CDH20: variants seen among roughly 807,000 people sequenced by gnomAD.
The protein encoded by CDH20 is cadherin-20.
Under a neutral mutation model 74.2 loss-of-function variants are expected in CDH20, and 29 were observed. That is an observed-to-expected ratio of 0.39 (90% CI 0.29 to 0.53). The LOEUF is 0.53. CDH20 is among the 20% of genes least tolerant of loss of function. CDH20 has a pLI of 0.69. For missense variants in CDH20, 988 were observed against 1,048.3 expected (o/e 0.94, Z 0.79); for synonymous variants, 469 against 405.4 (o/e 1.16, Z -1.88).
chr18:61,459,452 G>A (rs1267866424), intron 1 of CDH20, among the ~76,000 whole-genome samples: 3 of 152,108 alleles, frequency 2.0e-5, no homozygotes, highest in Admixed American at 2.0e-4. Context: ...ATCCATGTGT[G>A]GTAGATACTA....
At chr18:61,436,519 C>G (rs986937948) in intron 1 of CDH20, among the ~76,000 whole-genome samples, 1 of 152,212 alleles carries the variant, frequency 6.6e-6, no homozygotes. Flanking sequence ...GTTTTAGATA[C>G]CTGGATTTGA....
Position 61,468,618 on chromosome 18 carries a change from C to T in CDH20, c.-152-21784C>T. Among the ~76,000 whole-genome samples the T allele has an allele frequency of 1.3e-5, 2 of 152,184 alleles. 1 individual carries two copies. The highest frequency in any genetic ancestry group is 6.3e-3 in the Middle Eastern group (2 of 316). On this transcript the variant is annotated intron_variant, in intron 1 of 11. Transcript: ENST00000262717. ...CTAAGTGTCTTCCAATTTCAAGTCA[C>T]TACAGTGCAACTGGCTTAGATAATG...
chr18:61,362,203 C>T (rs1250722627), intron 1 of CDH20, among the ~76,000 whole-genome samples: 1 of 152,176 alleles, frequency 6.6e-6, no homozygotes, highest in African/African-American at 2.4e-5. Flanking sequence ...CATAGGAACA[C>T]ATGATTTTAC....
chr18:61,428,945 T>C (rs1913164711), intron 1 of CDH20, among the ~76,000 whole-genome samples: 1 of 152,174 alleles, frequency 6.6e-6, no homozygotes, highest in South Asian at 2.1e-4. Flanking sequence ...CCTCTTCTTT[T>C]CTTTATTTTT....
At chr18:61,361,630 C>T (rs1187978961) in intron 1 of CDH20, among the ~76,000 whole-genome samples, 2 of 152,250 alleles carry the variant, frequency 1.3e-5, no homozygotes, top group Admixed American at 6.5e-5. Context: ...CCAGTGCCTG[C>T]CCATGACCAG....
chr18:61,450,720 T>C (rs1909358440), intron 1 of CDH20, among the ~76,000 whole-genome samples: 1 of 152,076 alleles, frequency 6.6e-6, no homozygotes, highest in South Asian at 2.1e-4. Context: ...CAAAATGAGA[T>C]CATACTATAC....
chr18:61,364,572 A>G (rs1910800686), intron 1 of CDH20, among the ~76,000 whole-genome samples: 1 of 152,196 alleles, frequency 6.6e-6, no homozygotes, highest in Non-Finnish European at 1.5e-5. Flanking sequence ...TCAGCCTCCC[A>G]AAGTGCTGGG....
chr18:61,507,282 T>C (rs1911602455), intron 5 of CDH20, 91 bp from the exon 6 acceptor site: 1 of 1,216,704 alleles, frequency 8.2e-7, no homozygotes, highest in Non-Finnish European at 1.2e-6. Flanking sequence ...GAAAAAAAGA[T>C]ATTTTGCACA....
chr18:61,370,047 G>A (rs1362721965), intron 1 of CDH20, among the ~76,000 whole-genome samples: 1 of 152,110 alleles, frequency 6.6e-6, no homozygotes, highest in Non-Finnish European at 1.5e-5. Context: ...ACCTGCACAT[G>A]TGCCTCTCAA....
intron 1 of CDH20, among the ~76,000 whole-genome samples, chr18:61,354,763 T>G (rs532146615): frequency 6.6e-6 from 1 of 152,346 alleles, no homozygotes; most frequent in Non-Finnish European, 1.5e-5. Flanking sequence ...TCTATTTTAT[T>G]TCATCCGCTC....
intron 1 of CDH20, among the ~76,000 whole-genome samples, chr18:61,347,020 A>G (rs1223614651): frequency 6.6e-6 from 1 of 151,664 alleles, no homozygotes; most frequent in Non-Finnish European, 1.5e-5. Context: ...CATCGGTTCT[A>G]TTTTTGCTCT....
At chr18:61,472,912 G>A (rs1032098354) in intron 1 of CDH20, among the ~76,000 whole-genome samples, 3 of 152,220 alleles carry the variant, frequency 2.0e-5, no homozygotes, top group East Asian at 1.9e-4. Context: ...CAGTTAGGTC[G>A]TGCTTATGTC....
At chr18:61,469,192 GAACAAC>G in intron 1 of CDH20, among the ~76,000 whole-genome samples, 1 of 152,214 alleles carries the variant, frequency 6.6e-6, no homozygotes, top group African/African-American at 2.4e-5. Flanking sequence ...CTTCAGATCA[GAACAAC>G]AACAACAAAT....
intron 1 of CDH20, among the ~76,000 whole-genome samples, chr18:61,375,284 G>T (rs556721486): frequency 1.4e-3 from 217 of 152,274 alleles, no homozygotes; most frequent in African/African-American, 5.1e-3. Flanking sequence ...GTGTTTAAAA[G>T]CTCTAACTTT....
chr18:61,460,048 T>C (rs1222492012), intron 1 of CDH20, among the ~76,000 whole-genome samples: 2 of 152,198 alleles, frequency 1.3e-5, no homozygotes, highest in Non-Finnish European at 2.9e-5. Flanking sequence ...TTATTGGATT[T>C]GAGTTCCTTT....
At chr18:61,483,870 C>A (rs1910671613) in intron 1 of CDH20, among the ~76,000 whole-genome samples, 1 of 152,204 alleles carries the variant, frequency 6.6e-6, no homozygotes, top group Admixed American at 6.5e-5. Flanking sequence ...TTCAAGATTG[C>A]ATAGATAGTA....
At chr18:61,369,122 T>C (rs757608055) in intron 1 of CDH20, among the ~76,000 whole-genome samples, 3 of 151,874 alleles carry the variant, frequency 2.0e-5, no homozygotes, top group Non-Finnish European at 4.4e-5. Flanking sequence ...ACTTATTATG[T>C]AGGTCTACTC....
chr18:61,434,446 A>G (rs1389973105), intron 1 of CDH20, among the ~76,000 whole-genome samples: 1 of 152,180 alleles, frequency 6.6e-6, no homozygotes, highest in East Asian at 1.9e-4. Context: ...ACTAAGTGCC[A>G]GACACCGTAA....
chr18:61,482,114 G>A (rs1012332825), intron 1 of CDH20, among the ~76,000 whole-genome samples: 1 of 152,016 alleles, frequency 6.6e-6, no homozygotes, highest in African/African-American at 2.4e-5. Flanking sequence ...CAGGGAAGCT[G>A]GATTCAGAGC....
Sources: gnomAD v4.1 joint callset for allele counts (sites outside exome capture counted in the v4.1 genomes callset) on GRCh38, gnomAD v4.1.1 for gene constraint, MANE v1.5 for transcripts, NCBI Gene and HGNC (gene_info 2026-07-23, HGNC 2026-07-21) for gene names.